Variants in CAST observed in about 807,000 individuals in gnomAD.
CAST encodes the protein calpastatin, also known as MIR583 host.
A neutral mutation model predicts 119.6 loss-of-function variants in CAST; 76 were observed. That is an observed-to-expected ratio of 0.64 (90% confidence interval 0.53 to 0.77). The LOEUF is 0.77. Among genes scored for constraint, CAST ranks in the 30% least tolerant of loss-of-function variants. The pLI, the probability that CAST is intolerant of heterozygous loss-of-function variation, is 0.00. For missense variants in CAST, 953 were observed against 946.5 expected, an observed-to-expected ratio of 1.01 and a Z score of -0.09; for synonymous variants, 319 against 331.6, an observed-to-expected ratio of 0.96 and a Z score of 0.41.
At chr5:96,300,367 C>T in the CAST span, among the ~76,000 whole-genome samples, 7 of 152,132 alleles carry the variant, frequency 4.6e-5, no homozygotes, top group Non-Finnish European at 1.0e-4. Context: ...ATTTGTTTCT[C>T]ATTGAATATC....
the CAST span, among the ~76,000 whole-genome samples, chr5:96,288,609 ATT>A: frequency 7.9e-5 from 12 of 152,182 alleles, no homozygotes; most frequent in African/African-American, 2.9e-4. Flanking sequence ...CCTTAAAAAC[ATT>A]TTTATATGGA....
chr5:96,065,971 G>T, the CAST span, among the ~76,000 whole-genome samples: 1 of 152,152 alleles, frequency 6.6e-6, no homozygotes, highest in Non-Finnish European at 1.5e-5. Flanking sequence ...TATTACAGGG[G>T]CAGAGAGAGC....
chr5:96,605,913 C>G (rs1294306724), intron 1 of CAST, among the ~76,000 whole-genome samples: 1 of 152,166 alleles, frequency 6.6e-6, no homozygotes, highest in Non-Finnish European at 1.5e-5. Flanking sequence ...GATTTCCCCA[C>G]CTGTTAACAT....
the CAST span, among the ~76,000 whole-genome samples, chr5:96,238,366 C>CTT: frequency 0.021 from 482 of 23,136 alleles, 4 homozygotes; most frequent in African/African-American, 0.049. Flanking sequence ...TTCTTCTTCT[C>CTT]CTTCTTCTCC....
the CAST span, among the ~76,000 whole-genome samples, chr5:96,170,625 G>C: frequency 2.0e-5 from 3 of 152,142 alleles, no homozygotes; most frequent in Non-Finnish European, 4.4e-5. Context: ...AGACTAAAAC[G>C]GCCTTCTGAC....
the CAST span, among the ~76,000 whole-genome samples, chr5:96,485,241 C>T: frequency 4.6e-5 from 7 of 152,088 alleles, no homozygotes; most frequent in South Asian, 2.1e-4. Flanking sequence ...AGGAACAATA[C>T]GAACACTCAC....
chr5:96,455,873 G>C, the CAST span, among the ~76,000 whole-genome samples: 2 of 152,100 alleles, frequency 1.3e-5, no homozygotes, highest in East Asian at 3.9e-4. Flanking sequence ...GTCTCCTCTT[G>C]TATACCTTAA....
chr5:96,454,806 C>G, the CAST span, among the ~76,000 whole-genome samples: 1 of 152,232 alleles, frequency 6.6e-6, no homozygotes, highest in African/African-American at 2.4e-5. Flanking sequence ...ATTCCCTTTT[C>G]TACCCTTCCA....
At chr5:96,503,268 T>C in the CAST span, among the ~76,000 whole-genome samples, 1 of 152,216 alleles carries the variant, frequency 6.6e-6, no homozygotes, top group Non-Finnish European at 1.5e-5. Context: ...TTGTTTTTAT[T>C]CTTGGCTCAT....
At chr5:96,062,352 G>A in the CAST span, among the ~76,000 whole-genome samples, 1 of 152,148 alleles carries the variant, frequency 6.6e-6, no homozygotes, top group Non-Finnish European at 1.5e-5. Flanking sequence ...TGGGGTGTAA[G>A]TGCAGCATAT....
At chr5:96,534,781 GA>G (rs761424177) in intron 1 of CAST, among the ~76,000 whole-genome samples, 1 of 114,476 alleles carries the variant, frequency 8.7e-6, no homozygotes, top group African/African-American at 3.4e-5. Context: ...AAGAAAGAAA[GA>G]AAGAAAGAAA....
chr5:96,343,763 A>C, the CAST span, among the ~76,000 whole-genome samples: 1 of 152,226 alleles, frequency 6.6e-6, no homozygotes, highest in Admixed American at 6.5e-5. Flanking sequence ...CCAGAAAATA[A>C]TGGTGTGATT....
the CAST span, chr5:95,961,960 C>T: frequency 8.8e-6 from 4 of 457,068 alleles, no homozygotes; most frequent in Non-Finnish European, 1.5e-5. Flanking sequence ...GAACCGCCCT[C>T]ATCGGCCGCC....
the CAST span, among the ~76,000 whole-genome samples, chr5:96,317,196 GC>G: frequency 6.6e-6 from 1 of 151,776 alleles, no homozygotes; most frequent in Non-Finnish European, 1.5e-5. Context: ...AGGTGTGGTG[GC>G]TCATGCCTGT....
the CAST span, among the ~76,000 whole-genome samples, chr5:96,445,994 T>C: frequency 6.6e-6 from 1 of 152,170 alleles, no homozygotes; most frequent in Non-Finnish European, 1.5e-5. Context: ...ATCATAGGCA[T>C]GTGCCACCAC....
At chr5:96,035,565 A>G in the CAST span, among the ~76,000 whole-genome samples, 2 of 151,980 alleles carry the variant, frequency 1.3e-5, no homozygotes, top group African/African-American at 2.4e-5. Flanking sequence ...AGAAAATACT[A>G]CATCTGGTGA....
intron 11 of CAST, 35 bp downstream of exon 11, chr5:96,737,982 C>T: frequency 1.6e-6 from 2 of 1,226,526 alleles, no homozygotes; most frequent in East Asian, 2.3e-5. Flanking sequence ...AATTCATACT[C>T]AGTGGGTAGG....
chr5:96,260,766 G>C, the CAST span, among the ~76,000 whole-genome samples: 1 of 152,196 alleles, frequency 6.6e-6, no homozygotes, highest in Middle Eastern at 3.2e-3. Flanking sequence ...TTCAAAGTCT[G>C]AGATGATGGG....
Position 96,647,124 on chromosome 5 carries a change from A to T in CAST, c.61-28415A>T, listed in dbSNP as rs1275112904. On this transcript the variant is annotated intron_variant, in intron 1 of 11. Transcript: ENST00000505143. ...GTTAGGGGCACTGGCTTGTTGGGTGATTTGTTGCTGCTTAGTGACATACAC... is the reference window on the plus strand; with the variant it reads ...GTTAGGGGCACTGGCTTGTTGGGTGTTTTGTTGCTGCTTAGTGACATACAC... Among the ~76,000 whole-genome samples, 7 of 152,178 alleles carry T rather than the reference A, an allele frequency of 4.6e-5. No individual in the cohort carries two copies. In the East Asian group the frequency reaches 1.4e-3, roughly 29 times the overall value.
Sources: allele counts gnomAD v4.1 joint callset (sites outside exome capture counted in the v4.1 genomes callset), GRCh38; gene constraint gnomAD v4.1.1; transcripts MANE v1.5; gene names NCBI Gene and HGNC (gene_info 2026-07-23, HGNC 2026-07-21).